TTC13: variants seen among roughly 807,000 people sequenced by gnomAD.
The protein encoded by TTC13 is tetratricopeptide repeat protein 13.
Under a neutral mutation model 120.0 loss-of-function variants are expected in TTC13, and 62 were observed. That is an observed-to-expected ratio of 0.52 (90% CI 0.42 to 0.64). The LOEUF is 0.64. Ranked by LOEUF, TTC13 falls within the 30% of genes least tolerant of loss-of-function variation. TTC13 has a pLI of 0.00. For missense variants in TTC13, 824 were observed against 1,050.2 expected (o/e 0.78, Z 2.98); for synonymous variants, 384 against 393.5 (o/e 0.98, Z 0.28).
At position 230,924,938 on chromosome 1, in the gene TTC13, C is replaced by T. The variant is rs200301610; in HGVS notation, c.1624G>A (p.Val542Met). 3.5e-5 allele frequency: 56 copies of T among 1,614,174 alleles called. No individual in the cohort carries two copies. Among genetic ancestry groups the T allele is most frequent in the Non-Finnish European group, 4.2e-5 (49 of 1,180,038 alleles). The change falls in exon 14 of 23, where the codon GTG becomes ATG. Residue 542 changes from valine to methionine, a missense_variant. Val to Met is a conservative substitution (Grantham distance 21). Transcript: ENST00000366661. ...TTCGAGTTGGTCCATGTACGCTGCA[C>T]GGCTTGCATGACCTCCAATGCGGCC... ...GLAALEVMQAVQRTWTNSKVR... is the reference protein window; with the variant it reads ...GLAALEVMQAMQRTWTNSKVR...
intron 22 of TTC13, among the ~76,000 whole-genome samples, chr1:230,907,591 G>A (rs907344594): frequency 5.1e-4 from 78 of 152,212 alleles, no homozygotes; most frequent in African/African-American, 1.8e-3. Context: ...ACTAAAACAT[G>A]TGCAAACTAA....
chr1:230,912,046 G>A (rs1671561775), intron 19 of TTC13, among the ~76,000 whole-genome samples: 1 of 152,102 alleles, frequency 6.6e-6, no homozygotes, highest in South Asian at 2.1e-4. Flanking sequence ...CTTTTCAAGG[G>A]TAAGGGGCAC....
chr1:230,937,248 T>G (rs1229071526), intron 8 of TTC13, among the ~76,000 whole-genome samples: 1 of 152,210 alleles, frequency 6.6e-6, no homozygotes, highest in Non-Finnish European at 1.5e-5. Flanking sequence ...AAGAGCCCCA[T>G]CCATGTTCCT....
At chr1:230,952,142 G>A (rs1675652335) in intron 4 of TTC13, among the ~76,000 whole-genome samples, 2 of 152,112 alleles carry the variant, frequency 1.3e-5, no homozygotes, top group South Asian at 4.1e-4. Context: ...TTGCTCTCTA[G>A]CTGGAGTATA....
At chr1:230,934,506 C>T (rs996700645) in intron 8 of TTC13, among the ~76,000 whole-genome samples, 1 of 152,192 alleles carries the variant, frequency 6.6e-6, no homozygotes, top group Admixed American at 6.5e-5. Flanking sequence ...AGGCACTATC[C>T]TTTGGGAAGC....
In TTC13 at chr1:230,906,947, C is replaced by T. The variant is rs1670991709; in HGVS notation, c.2541G>A (p.Val847=). The T allele has an allele frequency of 1.3e-6, 2 of 1,545,230 alleles. No homozygotes were observed. Among genetic ancestry groups the T allele is most frequent in the Non-Finnish European group, 1.7e-6 (2 of 1,153,690 alleles). Residue 847 remains valine (V), a synonymous_variant, in exon 23 of 23, where the codon GTG becomes GTA. Transcript: ENST00000366661. ...AACGTGGAGAAGAGTCTGTGTTTAG[C>T]ACCTCAATCATCGATCTTAACGTTG... ...TFPTLRSMIE[V]LNTDSSPRCL...
intron 8 of TTC13, chr1:230,936,351 A>T (rs2102860270): frequency 4.8e-6 from 2 of 417,518 alleles, no homozygotes; most frequent in South Asian, 3.5e-5. Context: ...CTCTAAGCAT[A>T]TGAACTGGCT....
chr1:230,978,637 T>G lies in TTC13; in HGVS notation c.194A>C (p.Gln65Pro). Reference protein sequence around the residue: ...LKQELQHRQQQEAPAGGGGCS... With the variant: ...LKQELQHRQQPEAPAGGGGCS... ...GCCGCCGCCGCCCGCCGGGGCCTCC[T>G]GCTGCTGCCGGTGCTGCAGCTCCTG... Residue 65 changes from glutamine to proline, a missense_variant, in exon 1 of 23, where the codon CAG becomes CCG. Gln to Pro is a moderately conservative substitution (Grantham distance 76, BLOSUM62 -1). Transcript: ENST00000366661. This position sits in a 1 kb window ranked among gnomAD's most constrained non-coding sequence, Gnocchi z 5.6. 2 of 1,472,460 alleles carry G rather than the reference T, an allele frequency of 1.4e-6. No individual in the cohort carries two copies. Among genetic ancestry groups the G allele is most frequent in the Non-Finnish European group, 1.8e-6 (2 of 1,118,928 alleles). The allele number at this position is 1,472,460 out of a possible 1,614,324, so 91.2% of individuals were successfully genotyped here.
chr1:230,969,206 G>A (rs1379068204), intron 1 of TTC13, among the ~76,000 whole-genome samples: 1 of 152,130 alleles, frequency 6.6e-6, no homozygotes, highest in Non-Finnish European at 1.5e-5. Context: ...AGCTTGCAGT[G>A]AGCCGAGATT....
intron 1 of TTC13, among the ~76,000 whole-genome samples, chr1:230,968,331 T>TA (rs1238635232): frequency 4.1e-4 from 30 of 73,870 alleles, no homozygotes; most frequent in Non-Finnish European, 6.4e-4. Context: ...CATTCTTTTT[T>TA]TAAAAAAACA....
chr1:230,932,203 T>G (rs1673620512), intron 9 of TTC13, among the ~76,000 whole-genome samples: 1 of 152,056 alleles, frequency 6.6e-6, no homozygotes, highest in Admixed American at 6.5e-5. Flanking sequence ...AATATATGGA[T>G]AGAAACACAC....
chr1:230,923,969 T>A (rs749551835), intron 14 of TTC13, 36 bp from the exon 15 acceptor site: 1 of 1,512,602 alleles, frequency 6.6e-7, no homozygotes, highest in South Asian at 1.2e-5. Flanking sequence ...CCAGAAGTGT[T>A]CAGAAGCATT....
In TTC13 at chr1:230,925,501, G is replaced by A. The variant is rs377228994; in HGVS notation, c.1588+16C>T. 8 of 1,613,066 alleles carry A rather than the reference G, an allele frequency of 5.0e-6. No homozygotes were observed. The highest frequency in any genetic ancestry group is 5.9e-6 in the Non-Finnish European group (7 of 1,179,486). On this transcript the variant is annotated intron_variant, in intron 13 of 22. Coordinates refer to ENST00000366661, the MANE Select transcript of TTC13 (RefSeq NM_024525.5). Reference sequence around the variant, plus strand: ...ATGCCAGGAATATTTTCATTTTCAGGTAGTTTCCAGAATACCTCTGTGTAT... The same window carrying A: ...ATGCCAGGAATATTTTCATTTTCAGATAGTTTCCAGAATACCTCTGTGTAT...
intron 6 of TTC13, among the ~76,000 whole-genome samples, chr1:230,941,735 GA>G (rs1256810761): frequency 6.6e-6 from 1 of 152,164 alleles, no homozygotes; most frequent in East Asian, 1.9e-4. Flanking sequence ...TCAGAAAGAG[GA>G]AAGAAATTGA....
At chr1:230,936,091 G>A (rs979937636) in intron 8 of TTC13, 10 of 442,274 alleles carry the variant, frequency 2.3e-5, no homozygotes, top group Admixed American at 4.8e-5. Context: ...CCATCGGGGC[G>A]TGTTAAGTCT....
chr1:230,958,288 C>T lies in TTC13; in HGVS notation c.378G>A (p.Lys126=), dbSNP rs757322958. The T allele has an allele frequency of 5.1e-5, 81 of 1,595,636 alleles. No homozygotes were observed. Among genetic ancestry groups the T allele is most frequent in the South Asian group, 7.9e-5 (7 of 88,134 alleles). Residue 126 remains lysine, a synonymous_variant, in exon 3 of 23, where the codon AAG becomes AAA. Transcript: ENST00000366661. The part of the protein sequence containing the change: ...LNTEKILSQA[K]SIAEQKRFPF... The stretch of plus-strand genomic sequence containing the variant: ...GGAATCTCTTCTGTTCTGCAATAGA[C>T]TTGGCCTGGCTCTGGGAAAAAAAAA...
chr1:230,945,024 C>T (rs950278379), intron 5 of TTC13, among the ~76,000 whole-genome samples: 1 of 152,150 alleles, frequency 6.6e-6, no homozygotes, highest in Admixed American at 6.5e-5. Flanking sequence ...ATAAATTTTA[C>T]ATGCCTAAAA....
intron 12 of TTC13, 45 bp downstream of exon 12, chr1:230,928,892 G>A (rs1361211848): frequency 1.2e-6 from 2 of 1,602,012 alleles, no homozygotes; most frequent in African/African-American, 1.3e-5. Flanking sequence ...TTATAGCTCA[G>A]TTTTGAGAAA....
At chr1:230,929,382 T>C (rs901062273) in intron 11 of TTC13, among the ~76,000 whole-genome samples, 3 of 150,430 alleles carry the variant, frequency 2.0e-5, no homozygotes, top group Non-Finnish European at 4.4e-5. Context: ...TGGTGCAATC[T>C]TGGCTCACTG....
Sources: gnomAD v4.1 joint callset for allele counts (sites outside exome capture counted in the v4.1 genomes callset) on GRCh38, gnomAD v4.1.1 for gene constraint, Gnocchi (gnomAD v3.1) non-coding constraint, MANE v1.5 for transcripts, NCBI Gene and HGNC (gene_info 2026-07-23, HGNC 2026-07-21) for gene names.